The following NSG2 variants were observed in gnomAD, a reference collection of about 807,000 sequenced individuals.
NSG2 encodes the protein neuronal vesicle trafficking-associated protein 2.
NSG2 carries 4 observed loss-of-function variants against 16.9 expected under a neutral mutation model. The ratio of observed to expected loss-of-function variants is 0.24; its 90% CI spans 0.12 to 0.54. NSG2 has a LOEUF of 0.54. NSG2 is among the 20% of genes least tolerant of loss of function. The pLI is 0.95. For synonymous variants in NSG2, 98 were observed against 88.7 expected (o/e 1.11, Z -0.59); for missense variants, 179 against 221.1 (o/e 0.81, Z 1.21).
At chr5:174,086,973 A>T (rs989274842) in intron 3 of NSG2, among the ~76,000 whole-genome samples, 1 of 152,198 alleles carries the variant, frequency 6.6e-6, no homozygotes, top group African/African-American at 2.4e-5. Context: ...AATATTAATG[A>T]GTTTCTGGCT....
chr5:174,071,498 A>G (rs545275784), intron 3 of NSG2, among the ~76,000 whole-genome samples: 37 of 152,338 alleles, frequency 2.4e-4, no homozygotes, highest in Middle Eastern at 3.4e-3. Context: ...CAACAGCAAC[A>G]ACAGAAGAAC....
intron 3 of NSG2, among the ~76,000 whole-genome samples, chr5:174,100,727 T>C (rs1162265621): frequency 6.6e-6 from 1 of 152,240 alleles, no homozygotes; most frequent in Admixed American, 6.5e-5. Flanking sequence ...TATTTGGGAT[T>C]TCTTAACTCA....
chr5:174,070,038 C>T (rs1561665462), intron 3 of NSG2, among the ~76,000 whole-genome samples: 2 of 151,992 alleles, frequency 1.3e-5, no homozygotes, highest in East Asian at 1.9e-4. Flanking sequence ...CCACCATGCT[C>T]GGCTAATTTA....
intron 1 of NSG2, among the ~76,000 whole-genome samples, chr5:174,046,376 C>T (rs79407569): frequency 0.024 from 3,587 of 151,884 alleles, 149 homozygotes; most frequent in African/African-American, 0.081. Context: ...TATAATAGGA[C>T]TTCATTTTGC....
Position 174,107,194 on chromosome 5 carries a change from G to A in NSG2, c.325-120G>A. On this transcript the variant is annotated intron_variant, in intron 4 of 4. Transcript: ENST00000303177. The surrounding 1 kb of genome is among the most constrained non-coding windows in gnomAD (Gnocchi z 4.5). ...GCGTGCCAGGCCCAGGTCAGGAGCT[G>A]TCACCTGCCCTCTGGCTGACAGCCC... 1.2e-6 allele frequency: 1 copy of A among 855,082 alleles called. No individual in the cohort carries two copies. The highest frequency in any genetic ancestry group is 1.8e-6 in the Non-Finnish European group (1 of 563,516). The allele number at this position is 855,082 out of a possible 1,614,324, so 53.0% of individuals were successfully genotyped here. A position where few individuals can be genotyped will look rare whatever the true frequency, so the allele number is the denominator to read the frequency against.
intron 3 of NSG2, among the ~76,000 whole-genome samples, chr5:174,087,082 A>C (rs1760638338): frequency 6.6e-6 from 1 of 152,176 alleles, no homozygotes; most frequent in South Asian, 2.1e-4. Flanking sequence ...GCTCATATAA[A>C]GTTTGAGGCC....
chr5:174,076,209 A>G (rs1396007084), intron 3 of NSG2, among the ~76,000 whole-genome samples: 1 of 152,228 alleles, frequency 6.6e-6, no homozygotes, highest in Non-Finnish European at 1.5e-5. Context: ...TGTGGCTAGC[A>G]CAGCGCCCGG....
At chr5:174,095,105 G>A (rs1030267973) in intron 3 of NSG2, among the ~76,000 whole-genome samples, 3 of 152,176 alleles carry the variant, frequency 2.0e-5, no homozygotes, top group Admixed American at 6.5e-5. Context: ...AGGGGAGAGT[G>A]GCTGAAAAGA....
intron 3 of NSG2, chr5:174,066,297 C>A (rs1340264830): frequency 4.4e-6 from 2 of 455,794 alleles, no homozygotes; most frequent in South Asian, 3.1e-5. Flanking sequence ...CATGAATGAG[C>A]ACAGAGCTTG....
At chr5:174,097,703 CT>C (rs938678114) in intron 3 of NSG2, among the ~76,000 whole-genome samples, 7 of 143,576 alleles carry the variant, frequency 4.9e-5, no homozygotes, top group Non-Finnish European at 7.6e-5. Context: ...CTGTGTGTGT[CT>C]TTTTGTGTGT....
chr5:174,066,607 C>T (rs554944914), intron 3 of NSG2, among the ~76,000 whole-genome samples: 1 of 152,118 alleles, frequency 6.6e-6, no homozygotes, highest in African/African-American at 2.4e-5. Flanking sequence ...ATTTTTACTT[C>T]TCTATGCTTT....
intron 3 of NSG2, among the ~76,000 whole-genome samples, chr5:174,090,378 T>A (rs926729763): frequency 1.3e-5 from 2 of 152,134 alleles, no homozygotes; most frequent in Admixed American, 1.3e-4. Context: ...CAGGGAAGCT[T>A]GTTAGAGACT....
intron 3 of NSG2, among the ~76,000 whole-genome samples, 199 bp from the exon 4 acceptor site, chr5:174,104,029 T>C (rs1760939941): frequency 6.6e-6 from 1 of 151,990 alleles, no homozygotes; most frequent in African/African-American, 2.4e-5. Flanking sequence ...AAATGGAGCT[T>C]CAGAGATTAT....
chr5:174,050,674 A>G (rs946594999), intron 2 of NSG2, among the ~76,000 whole-genome samples: 1 of 151,892 alleles, frequency 6.6e-6, no homozygotes, highest in African/African-American at 2.4e-5. Flanking sequence ...TTCCTCATCC[A>G]TGGCTGCCCC....
At chr5:174,096,519 G>A (rs1760796252) in intron 3 of NSG2, among the ~76,000 whole-genome samples, 1 of 152,148 alleles carries the variant, frequency 6.6e-6, no homozygotes, top group South Asian at 2.1e-4. Flanking sequence ...AAAATGCCTT[G>A]TCTGCTCTGG....
At chr5:174,071,660 T>C (rs530390929) in intron 3 of NSG2, among the ~76,000 whole-genome samples, 1 of 152,342 alleles carries the variant, frequency 6.6e-6, no homozygotes, top group Admixed American at 6.5e-5. Flanking sequence ...TGCCTGTGAC[T>C]AGCACTTTAT....
chr5:174,105,763 G>T (rs1283967503), intron 4 of NSG2, among the ~76,000 whole-genome samples: 1 of 152,200 alleles, frequency 6.6e-6, no homozygotes. Flanking sequence ...AGCCAGGCGT[G>T]GTGGCTCATG....
intron 3 of NSG2, among the ~76,000 whole-genome samples, chr5:174,073,609 C>A (rs1760281367): frequency 6.6e-6 from 1 of 152,146 alleles, no homozygotes; most frequent in South Asian, 2.1e-4. Context: ...ATTAGAATGA[C>A]CTTCAAAAAT....
chr5:174,085,097 C>T (rs183429969), intron 3 of NSG2, among the ~76,000 whole-genome samples: 2 of 152,300 alleles, frequency 1.3e-5, no homozygotes, highest in Non-Finnish European at 1.5e-5. Flanking sequence ...GCAGCCAGGC[C>T]TCTGGCTATT....
Sources: gnomAD v4.1 joint callset for allele counts (sites outside exome capture counted in the v4.1 genomes callset) on GRCh38, gnomAD v4.1.1 for gene constraint, Gnocchi (gnomAD v3.1) non-coding constraint, MANE v1.5 for transcripts, NCBI Gene and HGNC (gene_info 2026-07-23, HGNC 2026-07-21) for gene names.